Variants in TGFBR3 observed in about 807,000 individuals in gnomAD.
TGFBR3 encodes the protein transforming growth factor beta receptor type 3.
Under a neutral mutation model 87.9 loss-of-function variants are expected in TGFBR3, and 46 were observed. That is an observed-to-expected ratio of 0.52 (90% confidence interval 0.41 to 0.67). The LOEUF is 0.67. TGFBR3 is among the 30% of genes least tolerant of loss of function. TGFBR3 has a pLI of 0.00. For missense variants in TGFBR3, 866 were observed against 1,041.9 expected (o/e 0.83, Z 2.32); for synonymous variants, 381 against 391.6 (o/e 0.97, Z 0.32).
chr1:91,885,599 G>A (rs1679267025), intron 1 of TGFBR3, among the ~76,000 whole-genome samples: 2 of 152,148 alleles, frequency 1.3e-5, no homozygotes, highest in Non-Finnish European at 2.9e-5. Flanking sequence ...GTGAGGGCGG[G>A]CGTGGAGAAT....
upstream of TGFBR3, among the ~76,000 whole-genome samples, chr1:91,890,916 G>T (rs74459825): frequency 1.8e-4 from 25 of 136,020 alleles, no homozygotes; most frequent in Admixed American, 1.5e-4. Flanking sequence ...TTTTTTTTTT[G>T]AAACGGAGTC....
chr1:91,786,570 G>A (rs1221739784), intron 3 of TGFBR3, among the ~76,000 whole-genome samples: 1 of 152,078 alleles, frequency 6.6e-6, no homozygotes, highest in Non-Finnish European at 1.5e-5. Flanking sequence ...GGCCAACATG[G>A]TGAAACCCCA....
intron 1 of TGFBR3, among the ~76,000 whole-genome samples, chr1:91,903,898 G>A (rs1256506000): frequency 6.6e-6 from 1 of 152,132 alleles, no homozygotes; most frequent in Non-Finnish European, 1.5e-5. Flanking sequence ...AACTGGCCAG[G>A]CATGGTGGCT....
intron 1 of TGFBR3, among the ~76,000 whole-genome samples, chr1:91,872,229 A>T (rs934110447): frequency 2.6e-5 from 4 of 152,172 alleles, no homozygotes; most frequent in Non-Finnish European, 4.4e-5. Context: ...AATACAAATT[A>T]TGTACTTCAT....
chr1:91,852,653 G>A (rs1307972532), intron 2 of TGFBR3, among the ~76,000 whole-genome samples: 5 of 152,008 alleles, frequency 3.3e-5, no homozygotes, highest in African/African-American at 7.2e-5. Context: ...CGCAACCTCC[G>A]CCTCCCAGGT....
intron 16 of TGFBR3, among the ~76,000 whole-genome samples, chr1:91,695,295 A>G (rs1203107230): frequency 6.6e-6 from 1 of 152,202 alleles, no homozygotes; most frequent in Non-Finnish European, 1.5e-5. Flanking sequence ...AGGTGTGGTA[A>G]TAAAATCTTG....
At chr1:91,771,965 G>A (rs1674395866) in intron 3 of TGFBR3, among the ~76,000 whole-genome samples, 1 of 152,034 alleles carries the variant, frequency 6.6e-6, no homozygotes, top group Non-Finnish European at 1.5e-5. Context: ...GGGGAAAGGT[G>A]GATCTAAGGG....
chr1:91,720,285 A>G, intron 8 of TGFBR3, 55 bp from the exon 9 acceptor site: 1 of 1,483,966 alleles, frequency 6.7e-7, no homozygotes, highest in Non-Finnish European at 9.2e-7. Flanking sequence ...GCCACAACCA[A>G]CATCATTACA....
intron 15 of TGFBR3, 123 bp downstream of exon 15, chr1:91,697,966 G>A (rs1671487200): frequency 5.7e-6 from 5 of 883,870 alleles, no homozygotes; most frequent in African/African-American, 1.6e-5. Context: ...GGGGAAGGGG[G>A]AAGGGGGAAT....
intron 16 of TGFBR3, among the ~76,000 whole-genome samples, chr1:91,686,283 C>A (rs1175529515): frequency 6.6e-6 from 1 of 152,206 alleles, no homozygotes; most frequent in African/African-American, 2.4e-5. Context: ...ATTAAAGAGA[C>A]CTTTCAACTT....
intron 1 of TGFBR3, among the ~76,000 whole-genome samples, chr1:91,862,598 A>G (rs1678243084): frequency 6.6e-6 from 1 of 152,174 alleles, no homozygotes. Flanking sequence ...CCTAACTTGA[A>G]TATTCCTCAC....
chr1:91,852,388 ATGTGTGTGTG>A (rs910670235), intron 2 of TGFBR3, among the ~76,000 whole-genome samples: 1 of 152,104 alleles, frequency 6.6e-6, no homozygotes, highest in African/African-American at 2.4e-5. Flanking sequence ...GTGTGTGTGT[ATGTGTGTGTG>A]TGCGCATGCA....
intron 3 of TGFBR3, among the ~76,000 whole-genome samples, chr1:91,785,803 T>C (rs1365820182): frequency 6.6e-6 from 1 of 151,620 alleles, no homozygotes; most frequent in Non-Finnish European, 1.5e-5. Context: ...CGTCTCGCTC[T>C]GTCTCCCAGG....
chr1:91,869,771 G>C (rs1678518621), intron 1 of TGFBR3, among the ~76,000 whole-genome samples: 1 of 152,196 alleles, frequency 6.6e-6, no homozygotes, highest in Non-Finnish European at 1.5e-5. Context: ...GGAAAAGGAG[G>C]CAGGAGTGCG....
At chr1:91,858,381 G>A (rs531585973) in intron 2 of TGFBR3, among the ~76,000 whole-genome samples, 61 of 152,100 alleles carry the variant, frequency 4.0e-4, no homozygotes, top group Non-Finnish European at 6.8e-4. Flanking sequence ...TTGGGAGGCC[G>A]AGGCAGGCGG....
chr1:91,714,485 T>G (rs374365845), intron 12 of TGFBR3, among the ~76,000 whole-genome samples: 12 of 151,638 alleles, frequency 7.9e-5, no homozygotes, highest in African/African-American at 2.9e-4. Context: ...GTAGAGGGAA[T>G]AGAGGATAAA....
At chr1:91,883,155 A>G (rs1304736290) in intron 1 of TGFBR3, among the ~76,000 whole-genome samples, 2 of 152,230 alleles carry the variant, frequency 1.3e-5, no homozygotes, top group Non-Finnish European at 2.9e-5. Context: ...CAAACCACAC[A>G]AAATTAGTTT....
rs1238230906 is a variant in TGFBR3 at position 91,682,584 on chromosome 1, T to C, written c.*1155A>G. ...TCCAAATGAGTGCCCTTTTCCAATC[T>C]CAGCACTGTCTTGGTGGAATTGGTG... On this transcript the variant is annotated 3_prime_UTR_variant, in exon 17 of 17. Coordinates refer to ENST00000212355, the MANE Select transcript of TGFBR3 (RefSeq NM_003243.5). 4 of 453,726 alleles carry C rather than the reference T, an allele frequency of 8.8e-6. No homozygotes were observed. Among genetic ancestry groups the C allele is most frequent in the African/African-American group, 4.0e-5 (2 of 49,908 alleles). 28.1% of individuals were successfully genotyped at this position (453,726 alleles called of 1,614,324 possible).
intron 3 of TGFBR3, among the ~76,000 whole-genome samples, chr1:91,790,370 C>T (rs1031173642): frequency 6.6e-6 from 1 of 152,156 alleles, no homozygotes; most frequent in African/African-American, 2.4e-5. Flanking sequence ...TAGGACATAC[C>T]ATCTAGGTTT....
Sources: allele counts gnomAD v4.1 joint callset (sites outside exome capture counted in the v4.1 genomes callset), GRCh38; gene constraint gnomAD v4.1.1; transcripts MANE v1.5; gene names NCBI Gene and HGNC (gene_info 2026-07-23, HGNC 2026-07-21).